KIF3B: variants seen among roughly 807,000 people sequenced by gnomAD.
KIF3B encodes the protein kinesin family member 3B, also known as kinesin-like protein KIF3B.
KIF3B carries 38 observed loss-of-function variants against 74.3 expected under a neutral mutation model. That is an observed-to-expected ratio of 0.51 (90% CI 0.39 to 0.67). KIF3B has a LOEUF of 0.67. Ranked by LOEUF, KIF3B falls within the 30% of genes least tolerant of loss-of-function variation. KIF3B has a pLI of 0.00. For missense variants in KIF3B, 649 were observed against 932.0 expected (o/e 0.70, Z 3.95); for synonymous variants, 326 against 342.5 (o/e 0.95, Z 0.53).
Position 32,304,109 on chromosome 20 carries a change from A to G in KIF3B, c.-65-5604A>G, listed in dbSNP as rs1399672165. On this transcript the variant is annotated intron_variant, in intron 1 of 8. Transcript: ENST00000375712. ...TTTCAGATTTACAGAAAACGGGTTC[A>G]GAGAGGGTAAGACGTCTTCTGGATT... Among the ~76,000 whole-genome samples, 17 of 152,342 alleles carry G rather than the reference A, an allele frequency of 1.1e-4. No homozygotes were observed. The East Asian group carries it at 3.3e-3, about 29-fold the overall frequency.
intron 5 of KIF3B, among the ~76,000 whole-genome samples, chr20:32,322,814 A>ATATATATATTTATATATATTTT (rs1569207959): frequency 1.8e-5 from 1 of 54,102 alleles, no homozygotes; most frequent in Non-Finnish European, 2.7e-5. Context: ...ATATATATTT[A>ATATATATATTTATATATATTTT]TATATATTTA....
intron 3 of KIF3B, 39 bp downstream of exon 3, chr20:32,316,358 A>G: frequency 6.5e-7 from 1 of 1,540,496 alleles, no homozygotes; most frequent in African/African-American, 1.4e-5. Flanking sequence ...TGGGTGAGGT[A>G]AGGTGTGTTT....
At chr20:32,288,662 C>T (rs927555706) in intron 1 of KIF3B, among the ~76,000 whole-genome samples, 47 of 152,108 alleles carry the variant, frequency 3.1e-4, no homozygotes, top group Admixed American at 9.2e-4. Context: ...TTCAACCCTT[C>T]GTTCTCTGAA....
At chr20:32,289,794 G>A (rs184399062) in intron 1 of KIF3B, among the ~76,000 whole-genome samples, 2 of 152,274 alleles carry the variant, frequency 1.3e-5, no homozygotes, top group Admixed American at 1.3e-4. Context: ...GAAACAATCG[G>A]ATTATTGACA....
chr20:32,322,674 ATATATT>A lies in KIF3B; in HGVS notation c.1749-4091_1749-4086del, dbSNP rs1235966143. On this transcript the variant is annotated intron_variant, in intron 5 of 8. Coordinates refer to ENST00000375712, the MANE Select transcript of KIF3B (RefSeq NM_004798.4). ...TTTTTATATATTTATATATATATTTATATATTTATATATATTTATATATATTTATAT... is the reference window on the plus strand; with the variant it reads ...TTTTTATATATTTATATATATATTTATATATATATTTATATATATTTATAT... Among the ~76,000 whole-genome samples, 124 of 52,508 alleles carry A rather than the reference ATATATT, an allele frequency of 2.4e-3. No homozygotes were observed. In the East Asian group the frequency reaches 0.029, roughly 12 times the overall value. 34.4% of individuals were successfully genotyped at this position (52,508 alleles called of 152,430 possible). A position where few individuals can be genotyped will look rare whatever the true frequency, so the allele number is the denominator to read the frequency against.
intron 5 of KIF3B, among the ~76,000 whole-genome samples, chr20:32,325,719 G>A (rs1349444819): frequency 8.0e-6 from 1 of 125,216 alleles, no homozygotes; most frequent in African/African-American, 3.0e-5. Flanking sequence ...CCAGGCCAGA[G>A]TGCAGTGGTG....
At position 32,294,198 on chromosome 20, in the gene KIF3B, T is replaced by A. The variant is rs529062375; in HGVS notation, c.-65-15515T>A. Reference sequence around the variant, plus strand: ...ATGTATTTTATGTTTTACAATTGAATGCCAAAAAGAGTTTCTTTTCTTCTT... The same window carrying A: ...ATGTATTTTATGTTTTACAATTGAAAGCCAAAAAGAGTTTCTTTTCTTCTT... On this transcript the variant is annotated intron_variant, in intron 1 of 8. Coordinates refer to ENST00000375712, the MANE Select transcript of KIF3B (RefSeq NM_004798.4). Among the ~76,000 whole-genome samples the A allele has an allele frequency of 1.4e-4, 21 of 152,334 alleles. 1 individual carries two copies. In the South Asian group the frequency reaches 4.3e-3, roughly 32 times the overall value.
At chr20:32,278,275 G>A (rs1218234777) in intron 1 of KIF3B, among the ~76,000 whole-genome samples, 3 of 152,150 alleles carry the variant, frequency 2.0e-5, no homozygotes, top group African/African-American at 7.2e-5. Context: ...GCAGTTTGAA[G>A]TCTGAGCGAG....
chr20:32,306,610 A>C (rs1257844418), intron 1 of KIF3B, among the ~76,000 whole-genome samples: 5 of 62,260 alleles, frequency 8.0e-5, no homozygotes, highest in Non-Finnish European at 1.5e-4. Flanking sequence ...TTTTTTTTTG[A>C]GACGGAGTCT....
At chr20:32,304,687 G>A (rs762605333) in intron 1 of KIF3B, among the ~76,000 whole-genome samples, 1 of 152,158 alleles carries the variant, frequency 6.6e-6, no homozygotes, top group Non-Finnish European at 1.5e-5. Context: ...TGTGTAAAAA[G>A]GGAGAGGATA....
intron 2 of KIF3B, among the ~76,000 whole-genome samples, chr20:32,314,470 G>A (rs1316543227): frequency 1.3e-5 from 2 of 151,960 alleles, no homozygotes; most frequent in Non-Finnish European, 2.9e-5. Flanking sequence ...AACCTGGGAG[G>A]CAGAGGTTGC....
chr20:32,278,698 C>T (rs1016324763), intron 1 of KIF3B, among the ~76,000 whole-genome samples: 2 of 152,110 alleles, frequency 1.3e-5, no homozygotes, highest in African/African-American at 4.8e-5. Flanking sequence ...ACCTGGGCTT[C>T]GTTGACCCTT....
intron 1 of KIF3B, among the ~76,000 whole-genome samples, chr20:32,281,164 C>G (rs2047641258): frequency 6.6e-6 from 1 of 152,178 alleles, no homozygotes; most frequent in Non-Finnish European, 1.5e-5. Flanking sequence ...CACTTGCTTA[C>G]ACATGCTTTT....
At chr20:32,289,141 C>G (rs946155908) in intron 1 of KIF3B, among the ~76,000 whole-genome samples, 1 of 148,672 alleles carries the variant, frequency 6.7e-6, no homozygotes, top group Non-Finnish European at 1.5e-5. Context: ...CTTTAAAACT[C>G]TCTCTTGGTT....
At chr20:32,291,581 A>T (rs992269819) in intron 1 of KIF3B, among the ~76,000 whole-genome samples, 42 of 151,478 alleles carry the variant, frequency 2.8e-4, no homozygotes, top group South Asian at 8.3e-4. Flanking sequence ...ACATTGTCTC[A>T]TATCCAGTGT....
intron 7 of KIF3B, among the ~76,000 whole-genome samples, chr20:32,327,873 G>T (rs1569211319): frequency 2.0e-5 from 3 of 152,178 alleles, no homozygotes; most frequent in East Asian, 1.9e-4. Flanking sequence ...TCCAAGGTGG[G>T]CAGATTGGTT....
At chr20:32,305,266 G>A (rs2047764415) in intron 1 of KIF3B, among the ~76,000 whole-genome samples, 1 of 152,032 alleles carries the variant, frequency 6.6e-6, no homozygotes, top group Admixed American at 6.6e-5. Context: ...GGAGGCCGAG[G>A]TGGGAGGAGA....
rs1274050192 is a variant in KIF3B, at chr20:32,334,692, G to A, written c.*3373G>A. The stretch of plus-strand genomic sequence containing the variant: ...GGCCTGGTGATTGTCTATCACGCAA[G>A]GCTTTGTTTTGTACTGTTCAGAAAT... On this transcript the variant is annotated 3_prime_UTR_variant, in exon 9 of 9. Transcript: ENST00000375712. 6.6e-6 allele frequency: 1 copy of A among 152,224 alleles called. No individual in the cohort carries two copies. Among genetic ancestry groups the A allele is most frequent in the African/African-American group, 2.4e-5 (1 of 41,442 alleles). 9.4% of individuals were successfully genotyped at this position (152,224 alleles called of 1,614,324 possible).
At chr20:32,303,841 G>A (rs2047755913) in intron 1 of KIF3B, among the ~76,000 whole-genome samples, 1 of 134,352 alleles carries the variant, frequency 7.4e-6, no homozygotes, top group South Asian at 2.4e-4. Context: ...GGTCACAAGA[G>A]CAAAACTCAG....
Sources: gnomAD v4.1 joint callset for allele counts (sites outside exome capture counted in the v4.1 genomes callset) on GRCh38, gnomAD v4.1.1 for gene constraint, MANE v1.5 for transcripts, NCBI Gene and HGNC (gene_info 2026-07-23, HGNC 2026-07-21) for gene names.